The following LAMA2 variants were observed in gnomAD, a reference collection of about 807,000 sequenced individuals.
LAMA2 encodes laminin subunit alpha-2.
A neutral mutation model predicts 364.8 loss-of-function variants in LAMA2; 269 were observed. The ratio of observed to expected loss-of-function variants is 0.74; its 90% CI spans 0.67 to 0.82. The LOEUF is 0.82. Among genes scored for constraint, LAMA2 ranks in the 40% least tolerant of loss-of-function variants. LAMA2 has a pLI of 0.00. For synonymous variants in LAMA2, 1,379 were observed against 1,370.6 expected (o/e 1.01, Z -0.14); for missense variants, 3,807 against 3,873.2 (o/e 0.98, Z 0.45).
intron 55 of LAMA2, among the ~76,000 whole-genome samples, chr6:129,482,747 G>C (rs1784407345): frequency 6.6e-6 from 1 of 152,124 alleles, no homozygotes. Context: ...CAGGAATGCA[G>C]AAGTGGTTTA....
chr6:128,932,857 C>T (rs1026393675), intron 1 of LAMA2, among the ~76,000 whole-genome samples: 2 of 152,124 alleles, frequency 1.3e-5, no homozygotes, highest in African/African-American at 2.4e-5. Context: ...GCATGGAGGA[C>T]ATTTAAGATC....
Position 129,280,061 on chromosome 6 carries a change from C to T in LAMA2, c.2451C>T (p.Asn817=). The T allele has an allele frequency of 6.2e-7, 1 of 1,610,382 alleles. No homozygotes were observed. Among genetic ancestry groups the T allele is most frequent in the Non-Finnish European group, 8.5e-7 (1 of 1,176,754 alleles). ...CACPLNIPSN[N]FSPTCHLDRS... ...GTTTTCCGCAACAACATCAACATAG[C>T]TTTAGCCCAACGTGCCATTTAGACC... The change falls in exon 18 of 65, where the codon AAC becomes AAT. Residue 817 remains asparagine (N), a splice_region_variant and synonymous_variant. Coordinates refer to ENST00000421865, the MANE Select transcript of LAMA2 (RefSeq NM_000426.4).
intron 1 of LAMA2, among the ~76,000 whole-genome samples, chr6:128,896,939 A>T (rs1235763643): frequency 1.3e-5 from 2 of 152,246 alleles, no homozygotes; most frequent in East Asian, 3.9e-4. Context: ...TCTATGGAAT[A>T]CCTAACTATG....
At chr6:129,387,679 A>G (rs1305995651) in intron 35 of LAMA2, among the ~76,000 whole-genome samples, 1 of 152,258 alleles carries the variant, frequency 6.6e-6, no homozygotes, top group Non-Finnish European at 1.5e-5. Flanking sequence ...GATTAGGTAA[A>G]GAAAATGTGG....
chr6:129,200,613 G>A (rs1018950510), intron 12 of LAMA2, among the ~76,000 whole-genome samples: 20 of 151,566 alleles, frequency 1.3e-4, no homozygotes, highest in Admixed American at 3.3e-4. Context: ...AGGTCATGAG[G>A]GTTCTAATCT....
chr6:128,913,222 C>T (rs1200868223), intron 1 of LAMA2, among the ~76,000 whole-genome samples: 6 of 152,248 alleles, frequency 3.9e-5, no homozygotes, highest in Middle Eastern at 6.8e-3. Flanking sequence ...AGATCATTAG[C>T]GCATTGACAA....
At chr6:128,994,612 A>G (rs1380509680) in intron 1 of LAMA2, among the ~76,000 whole-genome samples, 1 of 152,182 alleles carries the variant, frequency 6.6e-6, no homozygotes, top group Non-Finnish European at 1.5e-5. Flanking sequence ...AATAGCTTGT[A>G]TCACAGGAAT....
chr6:129,133,379 A>G (rs191425832), intron 4 of LAMA2, among the ~76,000 whole-genome samples: 1 of 152,320 alleles, frequency 6.6e-6, no homozygotes, highest in African/African-American at 2.4e-5. Flanking sequence ...GCAAAAGTAA[A>G]GAAGAATGGA....
chr6:129,316,525 C>A lies in LAMA2; in HGVS notation c.4058+354C>A, dbSNP rs147555421. ...GTGCTGAGAAAGTGACCTCTTCACC[C>A]ATCAGGGGAACCAGGCAGGGCCAAG... is the stretch of plus-strand genomic sequence containing the variant. On this transcript the variant is annotated intron_variant, in intron 27 of 64. Transcript: ENST00000421865. Among the ~76,000 whole-genome samples the A allele has an allele frequency of 2.6e-5, 4 of 152,116 alleles. 1 individual carries two copies. The highest frequency in any genetic ancestry group is 3.8e-4 in the East Asian group (2 of 5,196).
intron 23 of LAMA2, among the ~76,000 whole-genome samples, chr6:129,313,559 C>T (rs1284104665): frequency 6.6e-6 from 1 of 152,146 alleles, no homozygotes; most frequent in Admixed American, 6.5e-5. Context: ...AGTAAAATTT[C>T]AACACATATA....
intron 3 of LAMA2, among the ~76,000 whole-genome samples, chr6:129,083,131 G>A (rs1774171228): frequency 6.6e-6 from 1 of 151,564 alleles, no homozygotes; most frequent in Non-Finnish European, 1.5e-5. Flanking sequence ...TATATAAAAT[G>A]GGCAGCACAC....
At chr6:129,385,131 AGGGAGGGG>A (rs1778920668) in intron 35 of LAMA2, among the ~76,000 whole-genome samples, 1 of 32,252 alleles carries the variant, frequency 3.1e-5, no homozygotes. Context: ...GAGGGAAGGA[AGGGAGGGG>A]AGGGAGGGGA....
chr6:128,904,656 A>C, intron 1 of LAMA2, among the ~76,000 whole-genome samples: 1 of 151,818 alleles, frequency 6.6e-6, no homozygotes, highest in Admixed American at 6.6e-5. Flanking sequence ...ATGGGGTTTC[A>C]CTATGTTGGC....
chr6:129,475,135 C>CAT (rs2114826907), intron 52 of LAMA2, among the ~76,000 whole-genome samples: 1 of 152,052 alleles, frequency 6.6e-6, no homozygotes, highest in Admixed American at 6.6e-5. Context: ...ACTTTAAATT[C>CAT]ATATTTCAAA....
At chr6:128,966,772 G>A (rs1017289664) in intron 1 of LAMA2, among the ~76,000 whole-genome samples, 4 of 152,090 alleles carry the variant, frequency 2.6e-5, no homozygotes, top group Non-Finnish European at 5.9e-5. Flanking sequence ...TTCATCAAAT[G>A]GTTAATTCTT....
chr6:128,980,642 G>T (rs1320483981), intron 1 of LAMA2, among the ~76,000 whole-genome samples: 1 of 152,124 alleles, frequency 6.6e-6, no homozygotes, highest in East Asian at 1.9e-4. Flanking sequence ...TTTTTCCATG[G>T]TGTCAGAGAG....
rs933784832 is a variant in LAMA2, at chr6:129,360,331, A to G, written c.4718-5888A>G. ...GGTTTTAATTTGCATTCCATTTCCAATGTTTGTTGCCAGACACTTTGGACT... is the reference window on the plus strand; with the variant it reads ...GGTTTTAATTTGCATTCCATTTCCAGTGTTTGTTGCCAGACACTTTGGACT... On this transcript the variant is annotated intron_variant, in intron 32 of 64. Transcript: ENST00000421865. Among the ~76,000 whole-genome samples, 4 of 152,114 alleles carry G rather than the reference A, an allele frequency of 2.6e-5. No individual in the cohort carries two copies. In the East Asian group the frequency reaches 5.8e-4, roughly 22 times the overall value.
intron 8 of LAMA2, among the ~76,000 whole-genome samples, chr6:129,163,380 T>A (rs1779557665): frequency 1.3e-5 from 2 of 152,320 alleles, no homozygotes; most frequent in African/African-American, 4.8e-5. Flanking sequence ...ACCCCAGGAA[T>A]CCCAGTACTT....
intron 1 of LAMA2, among the ~76,000 whole-genome samples, chr6:128,891,496 A>T (rs1776448284): frequency 6.6e-6 from 1 of 152,070 alleles, no homozygotes; most frequent in Non-Finnish European, 1.5e-5. Flanking sequence ...TGCAATTGTC[A>T]TTTCAGTGAG....
Sources: allele counts gnomAD v4.1 joint callset (sites outside exome capture counted in the v4.1 genomes callset), GRCh38; gene constraint gnomAD v4.1.1; transcripts MANE v1.5; gene names NCBI Gene and HGNC (gene_info 2026-07-23, HGNC 2026-07-21).